The following PER2 variants were observed in gnomAD, a reference collection of about 807,000 sequenced individuals.
The protein encoded by PER2 is period circadian regulator 2.
In PER2, 66 loss-of-function variants were observed where a neutral mutation model predicts 121.0. The observed-to-expected ratio is 0.55, with a 90% confidence interval of 0.45 to 0.67. PER2 has a LOEUF of 0.67. PER2 is among the 30% of genes least tolerant of loss of function. The pLI, the probability that PER2 is intolerant of heterozygous loss-of-function variation, is 0.00. For synonymous variants in PER2, 684 were observed against 659.9 expected (o/e 1.04, Z -0.56); for missense variants, 1,521 against 1,635.0 (o/e 0.93, Z 1.20).
chr2:238,296,906 G>A, the PER2 span, among the ~76,000 whole-genome samples: 32 of 152,332 alleles, frequency 2.1e-4, no homozygotes, highest in Admixed American at 1.7e-3. Flanking sequence ...CCAGCACCAC[G>A]CTCTGGGCTC....
At chr2:238,273,475 CCT>C (rs1696356306) in intron 4 of PER2, among the ~76,000 whole-genome samples, 1 of 150,744 alleles carries the variant, frequency 6.6e-6, no homozygotes, top group Admixed American at 6.6e-5. Context: ...GTTCCAGCTG[CCT>C]CTCATGTTCT....
At chr2:238,248,342 G>T (rs527496483) in intron 22 of PER2, among the ~76,000 whole-genome samples, 2 of 152,364 alleles carry the variant, frequency 1.3e-5, no homozygotes, top group African/African-American at 2.4e-5. Flanking sequence ...GGGGTCGGCA[G>T]AGAGCAGGAG....
Position 238,245,698 on chromosome 2 carries a change from A to G in PER2, c.*677T>C, listed in dbSNP as rs1695428667. The stretch of plus-strand genomic sequence containing the variant: ...GTGCATTCATCCGATGGAGTTGGCC[A>G]CACAAACCACTAGGCTTCTTTAGTC... On this transcript the variant is annotated 3_prime_UTR_variant, in exon 23 of 23. Transcript: ENST00000254657. The G allele has an allele frequency of 2.5e-6, 1 of 398,674 alleles. No homozygotes were observed. The highest frequency in any genetic ancestry group is 4.4e-6 in the Non-Finnish European group (1 of 226,088). 24.7% of individuals were successfully genotyped at this position (398,674 alleles called of 1,614,324 possible).
rs1695650675 is a variant in PER2 at position 238,253,016 on chromosome 2, C to G, written c.3007G>C (p.Gly1003Arg). The G allele has an allele frequency of 6.2e-7, 1 of 1,613,946 alleles. No homozygotes were observed. Among genetic ancestry groups the G allele is most frequent in the East Asian group, 2.2e-5 (1 of 44,878 alleles). Reference sequence around the variant, plus strand: ...CCTGTGGTCCCCATGGCTCCAGTGCCACCCTCAGGGGCTTCCTCCAGCTGC... The same window carrying G: ...CCTGTGGTCCCCATGGCTCCAGTGCGACCCTCAGGGGCTTCCTCCAGCTGC... Reference protein sequence around the residue: ...LLQLEEAPEGGTGAMGTTGAT... With the variant: ...LLQLEEAPEGRTGAMGTTGAT... The change falls in exon 19 of 23, where the codon GGC (glycine) becomes CGC (arginine). Residue 1003 changes from glycine (G) to arginine (R), a missense_variant. Gly to Arg is a moderately radical substitution (Grantham distance 125, BLOSUM62 -2). Coordinates refer to ENST00000254657, the MANE Select transcript of PER2 (RefSeq NM_022817.3). The surrounding 1 kb of genome is among the most constrained non-coding windows in gnomAD (Gnocchi z 5.6).
At chr2:238,262,826 CGT>C in intron 10 of PER2, 124 bp downstream of exon 10, 1 of 719,706 alleles carries the variant, frequency 1.4e-6, no homozygotes, top group South Asian at 1.5e-5. Context: ...GCGAGGCGGG[CGT>C]CTACCACCTG....
intron 5 of PER2, 113 bp from the exon 6 acceptor site, chr2:238,271,626 G>A: frequency 3.8e-6 from 3 of 794,446 alleles, no homozygotes; most frequent in Non-Finnish European, 6.5e-6. Context: ...GGAGGTGGGG[G>A]GCTCTCTGAC....
chr2:238,260,749 G>A, intron 13 of PER2, 79 bp downstream of exon 13: 1 of 1,540,504 alleles, frequency 6.5e-7, no homozygotes, highest in Non-Finnish European at 9.0e-7. Flanking sequence ...AACTGCCAAA[G>A]GTTGTCTTGA....
In PER2 at chr2:238,272,997, C is replaced by T. The variant is rs1574855414; in HGVS notation, c.570+73G>A. ...ACTCCTGCCTTACAGCCACCGGCCG[C>T]AGTGCTGAGCTAGCTCGCCTGCAGG... On this transcript the variant is annotated intron_variant, in intron 5 of 22. Coordinates refer to ENST00000254657, the MANE Select transcript of PER2 (RefSeq NM_022817.3). 9 of 1,457,058 alleles carry T rather than the reference C, an allele frequency of 6.2e-6. No homozygotes were observed. In the East Asian group the frequency reaches 9.1e-5, roughly 15 times the overall value. The allele number at this position is 1,457,058 out of a possible 1,614,324, so 90.3% of individuals were successfully genotyped here.
At chr2:238,269,767 G>T (rs1243724118) in intron 6 of PER2, among the ~76,000 whole-genome samples, 2 of 152,250 alleles carry the variant, frequency 1.3e-5, no homozygotes, top group Non-Finnish European at 2.9e-5. Context: ...CACAGTCACG[G>T]ATGTCCAGAA....
Position 238,248,088 on chromosome 2 carries a change from A to G in PER2, c.3618+974T>C, listed in dbSNP as rs142244686. Among the ~76,000 whole-genome samples, 603 of 152,328 alleles carry G rather than the reference A, an allele frequency of 4.0e-3. 4 individuals carry two copies. Among genetic ancestry groups the G allele is most frequent in the African/African-American group, 0.012 (485 of 41,572 alleles). Reference sequence around the variant, plus strand: ...GGGCTTGCAGGGTGCAGGTGGGGAAAAGAGGTGCAGACACTGAGCCCGAGG... The same window carrying G: ...GGGCTTGCAGGGTGCAGGTGGGGAAGAGAGGTGCAGACACTGAGCCCGAGG... On this transcript the variant is annotated intron_variant, in intron 22 of 22. Transcript: ENST00000254657.
At chr2:238,256,762 C>A (rs1038928519) in intron 17 of PER2, among the ~76,000 whole-genome samples, 160 bp downstream of exon 17, 1 of 152,250 alleles carries the variant, frequency 6.6e-6, no homozygotes, top group East Asian at 1.9e-4. Context: ...CCTGGCTGGC[C>A]GCACTCCACC....
chr2:238,274,636 G>C (rs567137732), intron 4 of PER2, among the ~76,000 whole-genome samples: 19 of 152,332 alleles, frequency 1.2e-4, no homozygotes, highest in African/African-American at 3.6e-4. Context: ...TGATCAGAAC[G>C]AACTTTCCCT....
chr2:238,263,016 T>C lies in PER2; in HGVS notation c.1089A>G (p.Glu363=). The C allele has an allele frequency of 6.2e-7, 1 of 1,613,972 alleles. No individual in the cohort carries two copies. The change falls in exon 10 of 23, where the codon GAA becomes GAG. Residue 363 remains glutamate (E), a synonymous_variant. Coordinates refer to ENST00000254657, the MANE Select transcript of PER2 (RefSeq NM_022817.3). ...GGTGGAGCTGCACGAGCACTGGGGTTTCAATCAGGTCCTGAGGTAGGTAGC... is the reference window on the plus strand; with the variant it reads ...GGTGGAGCTGCACGAGCACTGGGGTCTCAATCAGGTCCTGAGGTAGGTAGC... ...LLGYLPQDLI[E]TPVLVQLHPS...
chr2:238,291,201 C>T (rs1312146812), upstream of PER2, among the ~76,000 whole-genome samples: 1 of 152,190 alleles, frequency 6.6e-6, no homozygotes, highest in African/African-American at 2.4e-5. Context: ...CTTGGGAATG[C>T]TGCCAGTGGG....
At chr2:238,251,506 C>T (rs1337623728) in intron 20 of PER2, 93 bp downstream of exon 20, 14 of 1,181,410 alleles carry the variant, frequency 1.2e-5, no homozygotes, top group Non-Finnish European at 1.8e-5. Flanking sequence ...CCGGTGATCC[C>T]TGTTCTGAGC....
intron 22 of PER2, among the ~76,000 whole-genome samples, chr2:238,248,275 G>C (rs1002902149): frequency 6.6e-6 from 1 of 152,206 alleles, no homozygotes; most frequent in Non-Finnish European, 1.5e-5. Flanking sequence ...CACTGTGTTC[G>C]GCTGCTGGAG....
chr2:238,260,113 G>A (rs1444682791), intron 13 of PER2, 60 bp from the exon 14 acceptor site: 6 of 749,878 alleles, frequency 8.0e-6, no homozygotes, highest in East Asian at 2.7e-5. Context: ...CAGTCTGTCC[G>A]GCAAAGTGAG....
At position 238,261,676 on chromosome 2, in the gene PER2, A is replaced by AG. The variant is rs773279557; in HGVS notation, c.1416+52dup. On this transcript the variant is annotated intron_variant, in intron 12 of 22. Transcript: ENST00000254657. ...AGGGTTCAGAGCCTATGTCCTCTGC[A>AG]GGGGGCTCTCAGGCTGCTACCTGGG... 4 of 1,149,806 alleles carry AG rather than the reference A, an allele frequency of 3.5e-6. No individual in the cohort carries two copies. In the South Asian group the frequency reaches 3.9e-5, roughly 11 times the overall value. 71.2% of individuals were successfully genotyped at this position (1,149,806 alleles called of 1,614,324 possible).
chr2:238,279,421 A>G (rs1696564803), intron 1 of PER2, among the ~76,000 whole-genome samples: 1 of 152,196 alleles, frequency 6.6e-6, no homozygotes, highest in South Asian at 2.1e-4. Context: ...CAGGCCACAC[A>G]GTAGCAGATG....
Sources: allele counts gnomAD v4.1 joint callset (sites outside exome capture counted in the v4.1 genomes callset), GRCh38; gene constraint gnomAD v4.1.1; non-coding constraint Gnocchi (gnomAD v3.1); transcripts MANE v1.5; gene names NCBI Gene and HGNC (gene_info 2026-07-23, HGNC 2026-07-21).